PTPRD: variants seen among roughly 807,000 people sequenced by gnomAD.
PTPRD encodes protein tyrosine phosphatase receptor type D.
PTPRD carries 34 observed loss-of-function variants against 214.5 expected under a neutral mutation model. That is an observed-to-expected ratio of 0.16 (90% CI 0.12 to 0.21). PTPRD has a LOEUF of 0.21. PTPRD is among the 10% of genes least tolerant of loss of function. The pLI, the probability that PTPRD is intolerant of heterozygous loss-of-function variation, is 1.00. For synonymous variants in PTPRD, 1,128 were observed against 845.7 expected (o/e 1.33, Z -5.79); for missense variants, 2,545 against 2,398.7 (o/e 1.06, Z -1.27).
chr9:9,966,367 A>G (rs1010486348), intron 4 of PTPRD, among the ~76,000 whole-genome samples: 1 of 152,142 alleles, frequency 6.6e-6, no homozygotes, highest in Non-Finnish European at 1.5e-5. Context: ...TTGACACATC[A>G]TATGTTCTTT....
rs1299900730 is a variant in PTPRD, at chr9:8,618,057, G to A, written c.352+15260C>T. Among the ~76,000 whole-genome samples the A allele has an allele frequency of 8.5e-5, 13 of 152,058 alleles. 1 individual carries two copies. The South Asian group carries it at 2.3e-3, about 27-fold the overall frequency. Reference sequence around the variant, plus strand: ...GAGTAGTGAAGAATTGCCCAACTGAGTAGAACTGTGAGGATCTTCTCACTG... The same window carrying A: ...GAGTAGTGAAGAATTGCCCAACTGAATAGAACTGTGAGGATCTTCTCACTG... On this transcript the variant is annotated intron_variant, in intron 14 of 45. Coordinates refer to ENST00000381196, the MANE Select transcript of PTPRD (RefSeq NM_002839.4).
At chr9:9,509,208 A>G (rs2096641201) in intron 8 of PTPRD, among the ~76,000 whole-genome samples, 1 of 151,692 alleles carries the variant, frequency 6.6e-6, no homozygotes, top group African/African-American at 2.4e-5. Flanking sequence ...AAATACACAT[A>G]TATCTAATTT....
intron 10 of PTPRD, among the ~76,000 whole-genome samples, chr9:9,172,977 T>G (rs1445202913): frequency 1.3e-5 from 2 of 152,140 alleles, no homozygotes; most frequent in African/African-American, 4.8e-5. Context: ...AGAGATCACC[T>G]CACTCAGAAT....
At chr9:10,328,631 A>G (rs2096691034) in intron 3 of PTPRD, among the ~76,000 whole-genome samples, 2 of 151,766 alleles carry the variant, frequency 1.3e-5, no homozygotes, top group South Asian at 4.1e-4. Flanking sequence ...TAAACATTAA[A>G]AATGTTATGC....
chr9:9,665,686 C>G (rs908073650), intron 7 of PTPRD, among the ~76,000 whole-genome samples: 1 of 151,678 alleles, frequency 6.6e-6, no homozygotes, highest in Admixed American at 6.6e-5. Context: ...CAGAATAGTT[C>G]TATTTGAATT....
At chr9:9,150,264 G>T (rs948287760) in intron 10 of PTPRD, among the ~76,000 whole-genome samples, 18 of 151,888 alleles carry the variant, frequency 1.2e-4, no homozygotes, top group Admixed American at 8.5e-4. Context: ...TAATCATTCT[G>T]CATCTTCCAA....
chr9:8,653,337 C>G (rs1055442809), intron 12 of PTPRD, among the ~76,000 whole-genome samples: 11 of 152,082 alleles, frequency 7.2e-5, no homozygotes, highest in Non-Finnish European at 1.3e-4. Flanking sequence ...TTAGAAATTG[C>G]AAAACAACAC....
At chr9:9,842,212 CA>C (rs1416165302) in intron 5 of PTPRD, among the ~76,000 whole-genome samples, 3 of 151,138 alleles carry the variant, frequency 2.0e-5, no homozygotes, top group African/African-American at 4.9e-5. Context: ...TCTTTGGAAC[CA>C]ACACACTTAT....
chr9:8,561,320 C>T (rs983439041), intron 14 of PTPRD, among the ~76,000 whole-genome samples: 1 of 152,186 alleles, frequency 6.6e-6, no homozygotes, highest in African/African-American at 2.4e-5. Flanking sequence ...AACCACCCGA[C>T]TGAAGGGGTG....
chr9:9,659,513 G>T (rs1371416978), intron 7 of PTPRD, among the ~76,000 whole-genome samples: 1 of 151,972 alleles, frequency 6.6e-6, no homozygotes, highest in Admixed American at 6.6e-5. Context: ...CTGGACATAG[G>T]ACTCAGGTGT....
intron 35 of PTPRD, among the ~76,000 whole-genome samples, chr9:8,406,127 C>A (rs536033257): frequency 1.3e-5 from 2 of 152,216 alleles, no homozygotes; most frequent in African/African-American, 4.8e-5. Context: ...ATTATCCATA[C>A]CTTAGAGTCT....
At chr9:9,595,013 A>C (rs1442038339) in intron 7 of PTPRD, among the ~76,000 whole-genome samples, 3 of 152,032 alleles carry the variant, frequency 2.0e-5, no homozygotes, top group Non-Finnish European at 4.4e-5. Flanking sequence ...GATTAGGGGA[A>C]TGCAAATCAA....
At chr9:8,404,759 T>C (rs926997630) in intron 35 of PTPRD, 99 bp from the exon 36 acceptor site, 1 of 1,390,070 alleles carries the variant, frequency 7.2e-7, no homozygotes, top group Non-Finnish European at 9.6e-7. Flanking sequence ...AAAAGGAAAA[T>C]TCTGAAGCCA....
At chr9:9,272,587 G>T (rs780638214) in intron 9 of PTPRD, among the ~76,000 whole-genome samples, 5 of 151,314 alleles carry the variant, frequency 3.3e-5, no homozygotes, top group Non-Finnish European at 7.4e-5. Context: ...TATCTTTGCT[G>T]TAGTGGTCCG....
At chr9:9,567,683 T>C (rs1312386190) in intron 8 of PTPRD, among the ~76,000 whole-genome samples, 1 of 152,014 alleles carries the variant, frequency 6.6e-6, no homozygotes, top group Non-Finnish European at 1.5e-5. Context: ...CATTTCTCCT[T>C]TTCTGCTTCT....
At position 8,500,050 on chromosome 9, in the gene PTPRD, C is replaced by CAA. The variant is rs34424655; in HGVS notation, c.2129-212_2129-211dup. ...AAAAGATCAAAAAACATGACCGATG[C>CAA]AAAAAAAAAAAAAAAAAATGGAAGA... is the stretch of plus-strand genomic sequence containing the variant. On this transcript the variant is annotated intron_variant, in intron 24 of 45. Coordinates refer to ENST00000381196, the MANE Select transcript of PTPRD (RefSeq NM_002839.4). Among the ~76,000 whole-genome samples the CAA allele has an allele frequency of 2.7e-3, 213 of 78,328 alleles. 2 individuals carry two copies. The highest frequency in any genetic ancestry group is 9.9e-3 in the African/African-American group (201 of 20,232). 51.4% of individuals were successfully genotyped at this position (78,328 alleles called of 152,430 possible).
chr9:10,540,345 T>C (rs1219948225), intron 2 of PTPRD, among the ~76,000 whole-genome samples: 1 of 152,180 alleles, frequency 6.6e-6, no homozygotes, highest in Non-Finnish European at 1.5e-5. Flanking sequence ...TCTTTTAAAT[T>C]GGTGTTCTGT....
intron 11 of PTPRD, among the ~76,000 whole-genome samples, chr9:8,819,925 A>G (rs2890828): frequency 0.7 from 106,531 of 151,898 alleles, 37,720 homozygotes; most frequent in African/African-American, 0.79. Context: ...TCAGGAAGCT[A>G]AGTATTATAA....
At chr9:9,164,141 A>T (rs1299207351) in intron 10 of PTPRD, among the ~76,000 whole-genome samples, 2 of 152,138 alleles carry the variant, frequency 1.3e-5, no homozygotes, top group African/African-American at 2.4e-5. Flanking sequence ...CAAATTTATT[A>T]TACTTCTGGA....
Sources: allele counts gnomAD v4.1 joint callset (sites outside exome capture counted in the v4.1 genomes callset), GRCh38; gene constraint gnomAD v4.1.1; transcripts MANE v1.5; gene names NCBI Gene and HGNC (gene_info 2026-07-23, HGNC 2026-07-21).